PCDH7: variants seen among roughly 807,000 people sequenced by gnomAD.
The protein encoded by PCDH7 is protocadherin 7.
PCDH7 carries 17 observed loss-of-function variants against 58.9 expected under a neutral mutation model. The observed-to-expected ratio is 0.29, with a 90% CI of 0.20 to 0.43. The LOEUF is 0.43. PCDH7 is among the 20% of genes least tolerant of loss of function. PCDH7 has a pLI of 1.00. For synonymous variants in PCDH7, 664 were observed against 616.4 expected, an observed-to-expected ratio of 1.08 and a Z score of -1.14; for missense variants, 1,274 against 1,441.0, an observed-to-expected ratio of 0.88 and a Z score of 1.88.
intron 1 of PCDH7, among the ~76,000 whole-genome samples, chr4:30,824,455 T>C (rs561734960): frequency 6.6e-6 from 1 of 152,218 alleles, no homozygotes; most frequent in East Asian, 1.9e-4. Flanking sequence ...ACATCCTTTT[T>C]GGATGGATGG....
intron 3 of PCDH7, among the ~76,000 whole-genome samples, chr4:31,079,267 A>C (rs1759266919): frequency 7.1e-6 from 1 of 141,458 alleles, no homozygotes; most frequent in African/African-American, 2.6e-5. Flanking sequence ...CCAAGTGAAA[A>C]AAAAATGCCA....
chr4:31,017,831 T>C (rs1240178447), intron 3 of PCDH7, among the ~76,000 whole-genome samples: 1 of 152,168 alleles, frequency 6.6e-6, no homozygotes, highest in Admixed American at 6.5e-5. Context: ...TGATGATCAA[T>C]AGATAAGAGG....
chr4:30,724,265 A>G, exon 1 of PCDH7: 1 of 1,613,674 alleles, frequency 6.2e-7, no homozygotes, highest in African/African-American at 1.3e-5. Flanking sequence ...CAGCCTCTCT[A>G]CAGCAGCATT....
At chr4:30,889,137 C>CAAAAGAAAAAAAAAA (rs1738251397) in intron 1 of PCDH7, among the ~76,000 whole-genome samples, 1 of 49,986 alleles carries the variant, frequency 2.0e-5, no homozygotes, top group Non-Finnish European at 3.9e-5. Flanking sequence ...GCAGATATCT[C>CAAAAGAAAAAAAAAA]AAAAAAAAAA....
chr4:30,982,158 A>G (rs1750627385), intron 3 of PCDH7, among the ~76,000 whole-genome samples: 1 of 152,254 alleles, frequency 6.6e-6, no homozygotes. Flanking sequence ...ATTTCAAAGC[A>G]TCATGCACAT....
intron 2 of PCDH7, among the ~76,000 whole-genome samples, chr4:30,928,538 A>G (rs768839895): frequency 6.6e-6 from 1 of 152,172 alleles, no homozygotes; most frequent in Non-Finnish European, 1.5e-5. Context: ...TTAAGATGGA[A>G]GTTTTTATGC....
intron 1 of PCDH7, among the ~76,000 whole-genome samples, chr4:30,759,240 C>T (rs1206528398): frequency 6.6e-6 from 1 of 152,072 alleles, no homozygotes. Flanking sequence ...CTGCGCCTGG[C>T]CTCTTTGGGG....
intron 3 of PCDH7, among the ~76,000 whole-genome samples, chr4:31,069,223 C>T (rs1386856522): frequency 6.6e-6 from 1 of 151,964 alleles, no homozygotes; most frequent in Non-Finnish European, 1.5e-5. Context: ...TAAAGCAGCC[C>T]TATGCCAACT....
At chr4:30,813,362 CTT>C (rs1156996480) in intron 1 of PCDH7, among the ~76,000 whole-genome samples, 1 of 152,100 alleles carries the variant, frequency 6.6e-6, no homozygotes, top group African/African-American at 2.4e-5. Context: ...TTTTGCAAGA[CTT>C]TTATCAATCT....
At chr4:31,080,538 G>T (rs1487762877) in intron 3 of PCDH7, among the ~76,000 whole-genome samples, 1 of 152,020 alleles carries the variant, frequency 6.6e-6, no homozygotes, top group Non-Finnish European at 1.5e-5. Flanking sequence ...GAACTACTGA[G>T]ACTTACTATA....
chr4:31,078,062 G>C (rs966573657), intron 3 of PCDH7, among the ~76,000 whole-genome samples: 9 of 152,102 alleles, frequency 5.9e-5, no homozygotes, highest in African/African-American at 1.7e-4. Context: ...TATCTAACAA[G>C]GGTCAATTGG....
rs928950311 is a variant in PCDH7, at chr4:30,979,239, T to A, written c.*7+29024T>A. On this transcript the variant is annotated intron_variant, in intron 3 of 3. Transcript: ENST00000509759. Reference sequence around the variant, plus strand: ...TGCTTGGGAGGCTGAAGCAGGAGAATGGCGTGAACCCAGGAGGAGGAGCTT... The same window carrying A: ...TGCTTGGGAGGCTGAAGCAGGAGAAAGGCGTGAACCCAGGAGGAGGAGCTT... Among the ~76,000 whole-genome samples the A allele has an allele frequency of 5.4e-5, 8 of 147,572 alleles. No individual in the cohort carries two copies. In the East Asian group the frequency reaches 1.6e-3, roughly 30 times the overall value.
intron 3 of PCDH7, among the ~76,000 whole-genome samples, chr4:31,014,080 T>A (rs1465661797): frequency 6.6e-6 from 1 of 152,042 alleles, no homozygotes; most frequent in Admixed American, 6.6e-5. Context: ...TTTTCAGTAC[T>A]AAAGTACTAA....
chr4:30,930,552 T>C (rs1368754552), intron 2 of PCDH7, among the ~76,000 whole-genome samples: 1 of 152,194 alleles, frequency 6.6e-6, no homozygotes, highest in Non-Finnish European at 1.5e-5. Context: ...TAAGTGACGT[T>C]ATCCAAACAG....
chr4:30,887,203 C>T (rs1737944155), intron 1 of PCDH7, among the ~76,000 whole-genome samples: 1 of 152,060 alleles, frequency 6.6e-6, no homozygotes, highest in African/African-American at 2.4e-5. Flanking sequence ...GCTAAGGTAG[C>T]TATGACTAAA....
chr4:31,010,308 T>TTAAA, intron 3 of PCDH7, among the ~76,000 whole-genome samples: 1 of 152,114 alleles, frequency 6.6e-6, no homozygotes, highest in South Asian at 2.1e-4. Flanking sequence ...GTAACATATT[T>TTAAA]TAAATAAACC....
intron 3 of PCDH7, among the ~76,000 whole-genome samples, chr4:31,011,281 G>A (rs183144747): frequency 1.8e-4 from 28 of 152,106 alleles, no homozygotes; most frequent in Middle Eastern, 6.8e-3. Context: ...GTACTGTGCC[G>A]CTGTAAGAAA....
At chr4:31,129,017 G>C (rs2109333990) in intron 3 of PCDH7, among the ~76,000 whole-genome samples, 1 of 152,224 alleles carries the variant, frequency 6.6e-6, no homozygotes. Context: ...TTCTACCTGT[G>C]GCCATTGTGA....
chr4:31,009,751 C>T (rs1753036772), intron 3 of PCDH7, among the ~76,000 whole-genome samples: 1 of 151,960 alleles, frequency 6.6e-6, no homozygotes, highest in South Asian at 2.1e-4. Context: ...ATAAGATATT[C>T]TCTGTACTAA....
Sources: allele counts gnomAD v4.1 joint callset (sites outside exome capture counted in the v4.1 genomes callset), GRCh38; gene constraint gnomAD v4.1.1; transcripts MANE v1.5; gene names NCBI Gene and HGNC (gene_info 2026-07-23, HGNC 2026-07-21).